Variants in DPP4 observed in about 807,000 individuals in gnomAD.
DPP4 encodes ADCP-2.
Under a neutral mutation model 122.4 loss-of-function variants are expected in DPP4, and 93 were observed. That is an observed-to-expected ratio of 0.76 (90% CI 0.64 to 0.90). DPP4 has a LOEUF of 0.90. Among genes scored for constraint, DPP4 ranks in the 40% least tolerant of loss-of-function variants. The pLI is 0.00. For missense variants in DPP4, 914 were observed against 907.3 expected (o/e 1.01, Z -0.09); for synonymous variants, 321 against 302.9 (o/e 1.06, Z -0.62).
At chr2:162,018,611 G>C in intron 16 of DPP4, 118 bp downstream of exon 16, 1 of 1,288,378 alleles carries the variant, frequency 7.8e-7, no homozygotes, top group Non-Finnish European at 1.1e-6. Flanking sequence ...AAATGTGAGT[G>C]GAGAGAAGGG....
chr2:161,994,873 C>G (rs977618004), intron 25 of DPP4, 88 bp downstream of exon 25: 1 of 1,257,266 alleles, frequency 8.0e-7, no homozygotes, highest in Non-Finnish European at 1.2e-6. Flanking sequence ...TCTGTCCTGT[C>G]TGTGGCACTG....
intron 10 of DPP4, among the ~76,000 whole-genome samples, chr2:162,031,459 G>A (rs2284872): frequency 0.33 from 50,403 of 152,050 alleles, 8,785 homozygotes; most frequent in East Asian, 0.65. Flanking sequence ...GCCCCTTTCC[G>A]ATGGAATCTT....
chr2:162,018,580 G>A (rs1166988316), intron 16 of DPP4, 149 bp downstream of exon 16: 1 of 1,027,408 alleles, frequency 9.7e-7, no homozygotes, highest in East Asian at 2.6e-5. Context: ...GGGAAGAAAA[G>A]ATTGTTTATG....
chr2:161,995,032 T>C lies in DPP4; in HGVS notation c.2128A>G (p.Asn710Asp). The stretch of plus-strand genomic sequence containing the variant: ...TGAGCTGACTGCTGAAAGTGAACGT[T>C]ATCTGCAGGGAGAGAAAGGAAACAT... ...YLLIHGTADD[N>D]VHFQQSAQIS... Residue 710 changes from asparagine to aspartate, a missense_variant and splice_region_variant, in exon 25 of 26, where the codon AAC becomes GAC. Physicochemically the swap from Asn to Asp is conservative, Grantham distance 23 (BLOSUM62 1). Transcript: ENST00000360534. 6.2e-7 allele frequency: 1 copy of C among 1,614,004 alleles called. No individual in the cohort carries two copies. The highest frequency in any genetic ancestry group is 1.6e-4 in the Middle Eastern group (1 of 6,062).
chr2:162,020,308 T>TTG lies in DPP4; in HGVS notation c.1177-13_1177-12insCA. On this transcript the variant is annotated splice_polypyrimidine_tract_variant and intron_variant, in intron 13 of 25. Coordinates refer to ENST00000360534, the MANE Select transcript of DPP4 (RefSeq NM_001935.4). ...ATAAATGTGCAGTCCTGATGGTTTT[T>TTG]TTTTTTTTTCAAAAAAAAAAAAAAG... 4 of 1,544,588 alleles carry TTG rather than the reference T, an allele frequency of 2.6e-6. No homozygotes were observed. The highest frequency in any genetic ancestry group is 3.5e-6 in the Non-Finnish European group (4 of 1,156,596).
At chr2:162,031,769 T>G (rs1349077166) in intron 10 of DPP4, among the ~76,000 whole-genome samples, 1 of 152,148 alleles carries the variant, frequency 6.6e-6, no homozygotes, top group African/African-American at 2.4e-5. Flanking sequence ...GGCATTTATC[T>G]GAATGTTTTC....
intron 23 of DPP4, among the ~76,000 whole-genome samples, chr2:161,996,275 AG>A (rs1200711216): frequency 6.6e-6 from 1 of 152,140 alleles, no homozygotes; most frequent in Non-Finnish European, 1.5e-5. Flanking sequence ...TGCCTTTGGG[AG>A]GGGGTGAGCT....
At chr2:162,005,376 T>C (rs1245606958) in intron 23 of DPP4, among the ~76,000 whole-genome samples, 1 of 152,228 alleles carries the variant, frequency 6.6e-6, no homozygotes, top group African/African-American at 2.4e-5. Flanking sequence ...ATCTTACTTA[T>C]GATAATACTG....
At chr2:162,034,302 G>C (rs1183143159) in intron 9 of DPP4, among the ~76,000 whole-genome samples, 1 of 151,846 alleles carries the variant, frequency 6.6e-6, no homozygotes, top group Non-Finnish European at 1.5e-5. Context: ...ACACTTTATG[G>C]AGTTTTTTTT....
At chr2:162,008,507 TG>T in intron 22 of DPP4, 54 bp downstream of exon 22, 1 of 1,428,200 alleles carries the variant, frequency 7.0e-7, no homozygotes, top group Non-Finnish European at 9.9e-7. Context: ...GCTTTGTTAC[TG>T]GCATTTTGAG....
chr2:162,014,934 C>T (rs1682855568), intron 18 of DPP4, among the ~76,000 whole-genome samples: 1 of 152,122 alleles, frequency 6.6e-6, no homozygotes, highest in South Asian at 2.1e-4. Flanking sequence ...ATTCTTATTG[C>T]CATCCCAGAC....
At chr2:162,073,559 G>GC in intron 1 of DPP4, 73 bp from the exon 2 acceptor site, 1 of 1,460,066 alleles carries the variant, frequency 6.8e-7, no homozygotes, top group Non-Finnish European at 9.6e-7. Context: ...GGTCGGGGCT[G>GC]CTCCAGAGGC....
intron 20 of DPP4, among the ~76,000 whole-genome samples, chr2:162,010,912 T>G (rs1308155872): frequency 6.6e-6 from 1 of 152,130 alleles, no homozygotes. Context: ...CTCCCTATTA[T>G]GCTTCCCCAG....
Position 162,071,475 on chromosome 2 carries a change from A to G in DPP4, c.94+1924T>C, listed in dbSNP as rs1559729435. Among the ~76,000 whole-genome samples the G allele has an allele frequency of 1.3e-5, 2 of 152,220 alleles. 1 individual carries two copies. Among genetic ancestry groups the G allele is most frequent in the South Asian group, 4.1e-4 (2 of 4,820 alleles). ...TGGCCAACATGGTAAAACCCCATCT[A>G]TACTAAAATACAAAAAATTATCCGG... On this transcript the variant is annotated intron_variant, in intron 2 of 25. Transcript: ENST00000360534.
chr2:162,058,256 G>T (rs2106149405), intron 2 of DPP4, among the ~76,000 whole-genome samples: 1 of 152,332 alleles, frequency 6.6e-6, no homozygotes, highest in Admixed American at 6.5e-5. Context: ...ATACCATGCA[G>T]CTGTAACTTC....
intron 2 of DPP4, among the ~76,000 whole-genome samples, chr2:162,050,556 T>C (rs1684345861): frequency 6.6e-6 from 1 of 152,194 alleles, no homozygotes; most frequent in Non-Finnish European, 1.5e-5. Context: ...AGGCTTACCC[T>C]GGTCTGTGTG....
chr2:162,013,456 T>C (rs1352235326), intron 19 of DPP4, among the ~76,000 whole-genome samples: 2 of 152,166 alleles, frequency 1.3e-5, no homozygotes, highest in Admixed American at 1.3e-4. Flanking sequence ...GTGGTTTTCA[T>C]GAAACTGTGA....
At chr2:162,017,728 G>A (rs575468738) in intron 16 of DPP4, among the ~76,000 whole-genome samples, 140 of 152,348 alleles carry the variant, frequency 9.2e-4, no homozygotes, top group Non-Finnish European at 1.5e-3. Context: ...CCCAACTGTG[G>A]TAGTTGCAGA....
chr2:162,052,728 AAC>A (rs2106142388), intron 2 of DPP4, among the ~76,000 whole-genome samples: 1 of 152,304 alleles, frequency 6.6e-6, no homozygotes, highest in East Asian at 1.9e-4. Flanking sequence ...CAGAGTGTTA[AAC>A]ACAATTCTGG....
Sources: allele counts gnomAD v4.1 joint callset (sites outside exome capture counted in the v4.1 genomes callset), GRCh38; gene constraint gnomAD v4.1.1; transcripts MANE v1.5; gene names NCBI Gene and HGNC (gene_info 2026-07-23, HGNC 2026-07-21).